NFATC1: variants seen among roughly 807,000 people sequenced by gnomAD.
NFATC1 encodes the protein nuclear factor of activated T cells 1.
NFATC1 carries 22 observed loss-of-function variants against 76.0 expected under a neutral mutation model. The observed-to-expected ratio is 0.29, with a 90% CI of 0.21 to 0.41. The LOEUF (loss-of-function observed/expected upper bound fraction) is 0.41, where lower values mean the gene tolerates loss of function less well. Ranked by LOEUF, NFATC1 falls within the 10% of genes least tolerant of loss-of-function variation. NFATC1 has a pLI of 1.00. For missense variants in NFATC1, 1,357 were observed against 1,337.7 expected (o/e 1.01, Z -0.23); for synonymous variants, 704 against 613.1 (o/e 1.15, Z -2.19).
At chr18:79,409,332 T>TCATCCATC (rs139023757) in intron 1 of NFATC1, among the ~76,000 whole-genome samples, 1 of 147,948 alleles carries the variant, frequency 6.8e-6, no homozygotes, top group African/African-American at 2.5e-5. Context: ...ATCCATTCAT[T>TCATCCATC]CATCCATCCA....
intron 2 of NFATC1, among the ~76,000 whole-genome samples, chr18:79,427,862 A>AG (rs2086441439): frequency 1.7e-5 from 1 of 57,864 alleles, no homozygotes. Flanking sequence ...GTGTAGGGGG[A>AG]GCTGGACGGC....
Position 79,528,150 on chromosome 18 carries a change from A to G in NFATC1, c.*573A>G. 1 of 391,094 alleles carries G rather than the reference A, an allele frequency of 2.6e-6. No individual in the cohort carries two copies. Among genetic ancestry groups the G allele is most frequent in the Non-Finnish European group, 4.5e-6 (1 of 221,904 alleles). The allele number at this position is 391,094 out of a possible 1,614,324, so 24.2% of individuals were successfully genotyped here. A position where few individuals can be genotyped will look rare whatever the true frequency, so the allele number is the denominator to read the frequency against. On this transcript the variant is annotated 3_prime_UTR_variant, in exon 10 of 10. Transcript: ENST00000427363. The stretch of plus-strand genomic sequence containing the variant: ...GTCACGTACACTCCTGCTGCCTTAC[A>G]CAGTGCATTTTAGAATCTTCCAGTC...
At chr18:79,525,723 T>C (rs575622638) in intron 9 of NFATC1, among the ~76,000 whole-genome samples, 76 of 152,352 alleles carry the variant, frequency 5.0e-4, no homozygotes, top group Non-Finnish European at 8.5e-4. Flanking sequence ...CTGGCCAGGG[T>C]TGGATGAGGA....
In NFATC1 at chr18:79,428,402, C is replaced by T. The variant is rs556867904; in HGVS notation, c.1227-5177C>T. Reference sequence around the variant, plus strand: ...ACATTGGCAAAGACCAAGCGCACCCCGGACCCTAGTGGGTGAGCCGGACCC... The same window carrying T: ...ACATTGGCAAAGACCAAGCGCACCCTGGACCCTAGTGGGTGAGCCGGACCC... On this transcript the variant is annotated intron_variant, in intron 2 of 9. Transcript: ENST00000427363. 6.6e-5 allele frequency among the ~76,000 whole-genome samples: 10 copies of T among 152,306 alleles called. No homozygotes were observed. The South Asian group carries it at 1.0e-3, about 16-fold the overall frequency.
chr18:79,419,577 C>T (rs1167981962), intron 2 of NFATC1, among the ~76,000 whole-genome samples: 1 of 152,164 alleles, frequency 6.6e-6, no homozygotes, highest in African/African-American at 2.4e-5. Flanking sequence ...CAGAACCTGC[C>T]TGGTTAGCTC....
chr18:79,460,903 C>G (rs1409705756), intron 6 of NFATC1, among the ~76,000 whole-genome samples: 1 of 152,208 alleles, frequency 6.6e-6, no homozygotes, highest in Non-Finnish European at 1.5e-5. Flanking sequence ...GGTACCTGCT[C>G]CCCCTCACAC....
chr18:79,410,956 C>T lies in NFATC1; in HGVS notation c.681C>T (p.Ala227=), dbSNP rs761694872. 1 of 1,602,470 alleles carries T rather than the reference C, an allele frequency of 6.2e-7. No individual in the cohort carries two copies. Among genetic ancestry groups the T allele is most frequent in the Non-Finnish European group, 8.5e-7 (1 of 1,175,210 alleles). Residue 227 remains alanine, a synonymous_variant, in exon 2 of 10, where the codon GCC becomes GCT. Coordinates refer to ENST00000427363, the MANE Select transcript of NFATC1 (RefSeq NM_001278669.2). The surrounding 1 kb of genome is among the most constrained non-coding windows in gnomAD (Gnocchi z 6.7). ...AGGGCTTTCCCCGCGGGCTGGGGGCCTGCACACTGCTGGGTTCCCCGCGGC... is the reference window on the plus strand; with the variant it reads ...AGGGCTTTCCCCGCGGGCTGGGGGCTTGCACACTGCTGGGTTCCCCGCGGC... ...PEEGFPRGLG[A]CTLLGSPRHS...
chr18:79,482,179 G>A (rs539920580), intron 8 of NFATC1, among the ~76,000 whole-genome samples: 5 of 145,114 alleles, frequency 3.4e-5, no homozygotes, highest in African/African-American at 1.0e-4. Context: ...GTCCTGGGGT[G>A]TAATTCCAGC....
At chr18:79,429,107 G>A (rs2086495185) in intron 2 of NFATC1, among the ~76,000 whole-genome samples, 1 of 151,938 alleles carries the variant, frequency 6.6e-6, no homozygotes, top group Non-Finnish European at 1.5e-5. Flanking sequence ...TGTACTCCCA[G>A]CTACTCTGGA....
intron 4 of NFATC1, among the ~76,000 whole-genome samples, chr18:79,450,174 G>A (rs113154486): frequency 1.3e-5 from 2 of 152,178 alleles, no homozygotes; most frequent in African/African-American, 4.8e-5. Context: ...CTGCCGCCTC[G>A]TGGGTGGTCG....
intron 3 of NFATC1, among the ~76,000 whole-genome samples, chr18:79,442,157 C>T (rs1008511867): frequency 5.3e-5 from 8 of 152,142 alleles, no homozygotes; most frequent in Admixed American, 2.0e-4. Context: ...CGGGCCGAGG[C>T]GGTGGGGGAG....
chr18:79,506,797 G>A (rs1316117959), intron 9 of NFATC1, among the ~76,000 whole-genome samples: 1 of 152,108 alleles, frequency 6.6e-6, no homozygotes, highest in Non-Finnish European at 1.5e-5. Flanking sequence ...CTGGCTTCTG[G>A]GTGGTTCTGT....
chr18:79,407,184 A>G (rs913141459), intron 1 of NFATC1, among the ~76,000 whole-genome samples: 1 of 152,240 alleles, frequency 6.6e-6, no homozygotes, highest in Non-Finnish European at 1.5e-5. Context: ...AGTTGGTCAC[A>G]GAAGTTTTAG....
chr18:79,514,564 CAAAAAAAAAAAAA>C (rs61341859), intron 9 of NFATC1, among the ~76,000 whole-genome samples: 3 of 47,238 alleles, frequency 6.4e-5, no homozygotes, highest in African/African-American at 3.0e-4. Flanking sequence ...GACCCTGCCT[CAAAAAAAAAAAAA>C]AAAAAAAAAA....
intron 1 of NFATC1, among the ~76,000 whole-genome samples, chr18:79,405,943 C>T (rs573971085): frequency 6.0e-4 from 91 of 152,286 alleles, no homozygotes; most frequent in Non-Finnish European, 9.8e-4. Flanking sequence ...CCTGGGCCCC[C>T]GTCACAGAAA....
chr18:79,524,371 C>T lies in NFATC1; in HGVS notation c.2783-3157C>T, dbSNP rs1239932648. On this transcript the variant is annotated intron_variant, in intron 9 of 9. Transcript: ENST00000427363. This position sits in a 1 kb window ranked among gnomAD's most constrained non-coding sequence, Gnocchi z 7.2. Reference sequence around the variant, plus strand: ...CGGTGTGGATGGGTGGGCGGTACAGCCTCCTCTGCGGTTCGGTTGCTGTGC... The same window carrying T: ...CGGTGTGGATGGGTGGGCGGTACAGTCTCCTCTGCGGTTCGGTTGCTGTGC... 1.3e-5 allele frequency among the ~76,000 whole-genome samples: 2 copies of T among 152,200 alleles called. No individual in the cohort carries two copies. Among genetic ancestry groups the T allele is most frequent in the East Asian group, 3.8e-4 (2 of 5,196 alleles).
In NFATC1 at chr18:79,467,503, C is replaced by G; in HGVS notation, c.2013C>G (p.Pro671=). 6.2e-7 allele frequency: 1 copy of G among 1,613,380 alleles called. No homozygotes were observed. The highest frequency in any genetic ancestry group is 8.5e-7 in the Non-Finnish European group (1 of 1,179,528). ...PPFRNQRITS[P]VHVSFYVCNG... ...TTCGGAATCAGAGGATAACCAGCCCCGTTCACGTCAGTTTCTACGTCTGCA... is the reference window on the plus strand; with the variant it reads ...TTCGGAATCAGAGGATAACCAGCCCGGTTCACGTCAGTTTCTACGTCTGCA... Residue 671 remains proline (P), a synonymous_variant, in exon 8 of 10, where the codon CCC becomes CCG. Coordinates refer to ENST00000427363, the MANE Select transcript of NFATC1 (RefSeq NM_001278669.2).
At chr18:79,521,222 T>G (rs1569053690) in intron 9 of NFATC1, among the ~76,000 whole-genome samples, 2 of 31,952 alleles carry the variant, frequency 6.3e-5, no homozygotes, top group Non-Finnish European at 1.5e-4. Context: ...TGTCTGTGTG[T>G]GGGGGGTGGA....
At chr18:79,427,888 G>GGGTGT (rs1250452403) in intron 2 of NFATC1, among the ~76,000 whole-genome samples, 21 of 141,998 alleles carry the variant, frequency 1.5e-4, no homozygotes, top group African/African-American at 5.5e-4. Context: ...TCTGTGCAGT[G>GGGTGT]AGTCGGGGAG....
Sources: gnomAD v4.1 joint callset for allele counts (sites outside exome capture counted in the v4.1 genomes callset) on GRCh38, gnomAD v4.1.1 for gene constraint, Gnocchi (gnomAD v3.1) non-coding constraint, MANE v1.5 for transcripts, NCBI Gene and HGNC (gene_info 2026-07-23, HGNC 2026-07-21) for gene names.